Variants in MYL4 observed in about 807,000 individuals in gnomAD.
MYL4 encodes the protein atrial myosin light chain 1.
A neutral mutation model predicts 21.6 loss-of-function variants in MYL4; 16 were observed. The ratio of observed to expected loss-of-function variants is 0.74; its 90% CI spans 0.50 to 1.12. The LOEUF is 1.12. MYL4 is among the 50% of genes most tolerant of loss of function. The probability of loss-of-function intolerance (pLI) is 0.00; values close to 1 mark genes in which losing one functional copy is unlikely to be tolerated. For synonymous variants in MYL4, 82 were observed against 95.7 expected (o/e 0.86, Z 0.83); for missense variants, 249 against 252.9 (o/e 0.98, Z 0.11).
chr17:47,218,062 AAACT>A (rs991367003), intron 2 of MYL4, among the ~76,000 whole-genome samples: 12 of 152,118 alleles, frequency 7.9e-5, no homozygotes, highest in African/African-American at 2.6e-4. Context: ...AAAAAACAAA[AAACT>A]AACTAAAAAG....
rs1397831739 is a variant in MYL4 at position 47,209,479 on chromosome 17, AGCTCCAGCCCCT to A, written c.60_71del (p.Ala28_Pro31del). ...AGGCAGCCAAGCCAGCTCCAGCTCC[AGCTCCAGCCCCT>A]GCACCAGCCCCTGCCCCAGCTCCTG... On this transcript the variant is annotated inframe_deletion, in exon 1 of 7. Coordinates refer to ENST00000393450, the MANE Select transcript of MYL4 (RefSeq NM_002476.2). 7 of 1,614,094 alleles carry A rather than the reference AGCTCCAGCCCCT, an allele frequency of 4.3e-6. No homozygotes were observed. In the African/African-American group the frequency reaches 6.7e-5, roughly 15 times the overall value.
intron 2 of MYL4, among the ~76,000 whole-genome samples, chr17:47,219,414 C>T (rs1567748797): frequency 6.6e-6 from 1 of 152,194 alleles, no homozygotes; most frequent in Non-Finnish European, 1.5e-5. Flanking sequence ...TGGGCCAGTG[C>T]TGTTTTCACT....
chr17:47,216,097 C>CTTT (rs112133657), intron 2 of MYL4, among the ~76,000 whole-genome samples: 2 of 144,830 alleles, frequency 1.4e-5, no homozygotes, highest in African/African-American at 5.1e-5. Context: ...TTCTTTTGTG[C>CTTT]TTTTTTTTTT....
At chr17:47,198,193 C>A (rs192667598), upstream of MYL4, among the ~76,000 whole-genome samples, 145 of 152,166 alleles carry the variant, frequency 9.5e-4, no homozygotes, top group South Asian at 2.7e-3. Flanking sequence ...ATGGTTGAAT[C>A]TGAAAAAAGA....
upstream of MYL4, among the ~76,000 whole-genome samples, chr17:47,197,171 T>G (rs1185396734): frequency 4.1e-5 from 6 of 146,986 alleles, no homozygotes; most frequent in East Asian, 1.2e-3. Flanking sequence ...CTATCTCGGC[T>G]CACTGCAAGC....
intron 2 of MYL4, among the ~76,000 whole-genome samples, chr17:47,218,049 A>C (rs1313832157): frequency 6.6e-6 from 1 of 151,938 alleles, no homozygotes; most frequent in African/African-American, 2.4e-5. Flanking sequence ...CTCAAAAAAA[A>C]AAAAAAAACA....
At chr17:47,213,078 A>C (rs1209494107) in intron 1 of MYL4, among the ~76,000 whole-genome samples, 1 of 152,206 alleles carries the variant, frequency 6.6e-6, no homozygotes, top group Non-Finnish European at 1.5e-5. Context: ...AAGAGGGCAG[A>C]AGTGCAGCTT....
upstream of MYL4, among the ~76,000 whole-genome samples, chr17:47,208,641 A>C (rs1315752835): frequency 6.6e-6 from 1 of 151,888 alleles, no homozygotes; most frequent in Non-Finnish European, 1.5e-5. Flanking sequence ...AAGTTTTCTG[A>C]CCCTCAGTCT....
chr17:47,221,859 T>C lies in MYL4; in HGVS notation c.487+4T>C, dbSNP rs1443330356. 1 of 1,611,396 alleles carries C rather than the reference T, an allele frequency of 6.2e-7. No homozygotes were observed. The highest frequency in any genetic ancestry group is 1.3e-5 in the African/African-American group (1 of 74,764). On this transcript the variant is annotated splice_donor_region_variant and intron_variant, in intron 4 of 6. Transcript: ENST00000393450. ...CGGCACGTCCTTGCCACCCTGGGTA[T>C]GCCAGCTGGGCAGAGATGAAGACCA...
intron 2 of MYL4, among the ~76,000 whole-genome samples, chr17:47,217,082 C>T (rs771685357): frequency 2.8e-4 from 42 of 152,210 alleles, no homozygotes; most frequent in Non-Finnish European, 5.3e-4. Flanking sequence ...AAAAGTCTGA[C>T]TTCAGATTCA....
At chr17:47,197,092 GTTTTTT>G (rs71365051), upstream of MYL4, among the ~76,000 whole-genome samples, 1 of 113,354 alleles carries the variant, frequency 8.8e-6, no homozygotes, top group African/African-American at 3.7e-5. Context: ...TCCTTAAAGG[GTTTTTT>G]TTTTTTTTTT....
intron 1 of MYL4, chr17:47,209,819 G>T (rs1422681155): frequency 1.8e-6 from 1 of 564,612 alleles, no homozygotes; most frequent in Admixed American, 3.1e-5. Flanking sequence ...CAGCTAAGTT[G>T]GGAATGGGGG....
chr17:47,206,117 C>T (rs2064727394), upstream of MYL4, among the ~76,000 whole-genome samples: 2 of 152,110 alleles, frequency 1.3e-5, no homozygotes, highest in African/African-American at 2.4e-5. Flanking sequence ...AATGTTTATC[C>T]TCAAAGGTCC....
At chr17:47,207,433 G>T (rs1467921108), upstream of MYL4, among the ~76,000 whole-genome samples, 2 of 152,204 alleles carry the variant, frequency 1.3e-5, no homozygotes, top group South Asian at 2.1e-4. Context: ...GGGGCCAGAT[G>T]ATCTCTAAGG....
intron 1 of MYL4, among the ~76,000 whole-genome samples, chr17:47,211,135 TG>T (rs141770582): frequency 6.6e-6 from 1 of 152,184 alleles, no homozygotes; most frequent in African/African-American, 2.4e-5. Context: ...TGCATCTTCA[TG>T]GGGGTTGTTG....
At chr17:47,213,684 C>G in intron 1 of MYL4, 115 bp from the exon 2 acceptor site, 1 of 997,038 alleles carries the variant, frequency 1.0e-6, no homozygotes, top group South Asian at 1.3e-5. Flanking sequence ...TATCAGTGGC[C>G]TGCTGGAGGT....
At chr17:47,192,814 G>A in the MYL4 span, among the ~76,000 whole-genome samples, 6 of 152,060 alleles carry the variant, frequency 3.9e-5, no homozygotes, top group African/African-American at 1.4e-4. Flanking sequence ...ACTTAAACTC[G>A]CTATTCATCA....
upstream of MYL4, among the ~76,000 whole-genome samples, chr17:47,197,156 T>C (rs965687629): frequency 6.9e-6 from 1 of 143,928 alleles, no homozygotes; most frequent in Non-Finnish European, 1.5e-5. Context: ...TGGAGTGCAG[T>C]GGCGCTATCT....
intron 2 of MYL4, among the ~76,000 whole-genome samples, chr17:47,218,944 A>G (rs899426601): frequency 1.3e-5 from 2 of 152,202 alleles, no homozygotes; most frequent in African/African-American, 4.8e-5. Flanking sequence ...TAAGTAGGAA[A>G]GAGAACTAGG....
Sources: gnomAD v4.1 joint callset for allele counts (sites outside exome capture counted in the v4.1 genomes callset) on GRCh38, gnomAD v4.1.1 for gene constraint, MANE v1.5 for transcripts, NCBI Gene and HGNC (gene_info 2026-07-23, HGNC 2026-07-21) for gene names.